The following TNIK variants were observed in gnomAD, a reference collection of about 807,000 sequenced individuals.
The protein encoded by TNIK is TRAF2 and NCK-interacting protein kinase.
In TNIK, 49 loss-of-function variants were observed where a neutral mutation model predicts 191.3. The ratio of observed to expected loss-of-function variants is 0.26; its 90% confidence interval spans 0.20 to 0.32. The LOEUF (loss-of-function observed/expected upper bound fraction) is 0.32. Ranked by LOEUF, TNIK falls within the 10% of genes least tolerant of loss-of-function variation. TNIK has a pLI of 1.00. For synonymous variants in TNIK, 594 were observed against 600.9 expected, an observed-to-expected ratio of 0.99 and a Z score of 0.17; for missense variants, 1,155 against 1,702.3, an observed-to-expected ratio of 0.68 and a Z score of 5.66.
chr3:171,266,023 C>T (rs1231244685), intron 2 of TNIK, among the ~76,000 whole-genome samples: 3 of 151,814 alleles, frequency 2.0e-5, no homozygotes, highest in African/African-American at 7.2e-5. Context: ...CAAATGCAAT[C>T]TAGAATCAAA....
At chr3:171,200,037 G>C (rs1202727575) in intron 4 of TNIK, among the ~76,000 whole-genome samples, 1 of 152,208 alleles carries the variant, frequency 6.6e-6, no homozygotes, top group African/African-American at 2.4e-5. Flanking sequence ...AAGCACCAGA[G>C]ACACATGTTT....
intron 2 of TNIK, among the ~76,000 whole-genome samples, chr3:171,288,796 A>G (rs1424288940): frequency 7.5e-6 from 1 of 133,612 alleles, no homozygotes. Context: ...TGACAGAGCA[A>G]GACTCCATCT....
At chr3:171,287,138 G>T (rs1217848557) in intron 2 of TNIK, among the ~76,000 whole-genome samples, 1 of 152,010 alleles carries the variant, frequency 6.6e-6, no homozygotes, top group Non-Finnish European at 1.5e-5. Flanking sequence ...GATTATTCTG[G>T]GTATTATATG....
intron 2 of TNIK, among the ~76,000 whole-genome samples, chr3:171,234,313 CT>C (rs1025718795): frequency 2.0e-5 from 3 of 152,176 alleles, no homozygotes; most frequent in African/African-American, 7.2e-5. Flanking sequence ...TAAATGGAGC[CT>C]TTGTGTTTCC....
chr3:171,183,522 A>G (rs1043573912), intron 7 of TNIK, among the ~76,000 whole-genome samples: 1 of 152,202 alleles, frequency 6.6e-6, no homozygotes, highest in Admixed American at 6.5e-5. Flanking sequence ...ATCTTAATTG[A>G]GTGGTAAAAG....
At chr3:171,271,247 C>T (rs1577313024) in intron 2 of TNIK, among the ~76,000 whole-genome samples, 1 of 152,222 alleles carries the variant, frequency 6.6e-6, no homozygotes, top group South Asian at 2.1e-4. Context: ...CATTTACTTG[C>T]ACTTCTGCAT....
At chr3:171,282,575 C>T (rs1750590727) in intron 2 of TNIK, among the ~76,000 whole-genome samples, 1 of 152,070 alleles carries the variant, frequency 6.6e-6, no homozygotes, top group Non-Finnish European at 1.5e-5. Flanking sequence ...AACTCCTGGC[C>T]TTAGGTGATC....
chr3:171,365,252 A>G (rs1715572255), intron 2 of TNIK, among the ~76,000 whole-genome samples: 1 of 127,648 alleles, frequency 7.8e-6, no homozygotes, highest in Non-Finnish European at 1.6e-5. Flanking sequence ...GTGCGATCTC[A>G]GCTCACCAGA....
intron 2 of TNIK, among the ~76,000 whole-genome samples, chr3:171,282,341 GTTT>G (rs869305605): frequency 3.8e-5 from 3 of 79,940 alleles, no homozygotes; most frequent in Admixed American, 1.4e-4. Flanking sequence ...ATGGTTTTTT[GTTT>G]TTTTTTTTTT....
At chr3:171,118,793 A>T (rs997934805) in intron 18 of TNIK, among the ~76,000 whole-genome samples, 4 of 152,164 alleles carry the variant, frequency 2.6e-5, no homozygotes, top group Non-Finnish European at 5.9e-5. Flanking sequence ...TTAATTCAAG[A>T]TGGATTAAAG....
intron 2 of TNIK, among the ~76,000 whole-genome samples, chr3:171,283,442 G>A (rs1452350973): frequency 6.6e-6 from 1 of 152,134 alleles, no homozygotes; most frequent in Non-Finnish European, 1.5e-5. Flanking sequence ...TTCACTTAGG[G>A]GAATTTCAAA....
intron 7 of TNIK, among the ~76,000 whole-genome samples, chr3:171,187,081 C>T (rs963139260): frequency 6.6e-6 from 1 of 152,184 alleles, no homozygotes; most frequent in Admixed American, 6.6e-5. Flanking sequence ...GAGCTGCAAA[C>T]GCTGTTTCCC....
chr3:171,171,027 G>A lies in TNIK; in HGVS notation c.774-3757C>T, dbSNP rs1735213510. The stretch of plus-strand genomic sequence containing the variant: ...TGATTGCACCACTGTACACTAGCCT[G>A]GGTGACAGAATGAGACTCTGTCTCT... On this transcript the variant is annotated intron_variant, in intron 9 of 32. Transcript: ENST00000436636. Among the ~76,000 whole-genome samples, 3 of 152,050 alleles carry A rather than the reference G, an allele frequency of 2.0e-5. No individual in the cohort carries two copies. The South Asian group carries it at 6.2e-4, about 32-fold the overall frequency.
At chr3:171,233,108 C>A (rs150914449) in intron 2 of TNIK, among the ~76,000 whole-genome samples, 1,606 of 152,292 alleles carry the variant, frequency 0.011, 22 homozygotes, top group African/African-American at 0.037. Flanking sequence ...ACATTCCCCC[C>A]ACTGTCTTCA....
At chr3:171,344,937 A>G (rs1267640617) in intron 2 of TNIK, among the ~76,000 whole-genome samples, 1 of 152,110 alleles carries the variant, frequency 6.6e-6, no homozygotes, top group African/African-American at 2.4e-5. Context: ...TCATTTGTAT[A>G]TATATATCAT....
chr3:171,310,778 T>C (rs1476916288), intron 2 of TNIK, among the ~76,000 whole-genome samples: 1 of 152,190 alleles, frequency 6.6e-6, no homozygotes, highest in Non-Finnish European at 1.5e-5. Flanking sequence ...ATACAAAGTC[T>C]ACTAGTCCCT....
intron 1 of TNIK, among the ~76,000 whole-genome samples, chr3:171,422,609 A>G (rs1723971291): frequency 6.6e-6 from 1 of 152,228 alleles, no homozygotes. Context: ...GAAATCATGC[A>G]TTCAGCAAAT....
At chr3:171,381,890 A>G (rs1375384858) in intron 1 of TNIK, among the ~76,000 whole-genome samples, 1 of 152,208 alleles carries the variant, frequency 6.6e-6, no homozygotes, top group Non-Finnish European at 1.5e-5. Context: ...GAATTTAAGA[A>G]TGGAAGCCTT....
Position 171,159,030 on chromosome 3 carries a change from C to T in TNIK, c.1017-1366G>A, listed in dbSNP as rs757282256. ...GAGGTCAGAGAGATAGGTGCGGGGCCGCGACAGCCATGCAGGCACGGGAAG... is the reference window on the plus strand; with the variant it reads ...GAGGTCAGAGAGATAGGTGCGGGGCTGCGACAGCCATGCAGGCACGGGAAG... On this transcript the variant is annotated intron_variant, in intron 11 of 32. Coordinates refer to ENST00000436636, the MANE Select transcript of TNIK (RefSeq NM_015028.4). This position sits in a 1 kb window ranked among gnomAD's most constrained non-coding sequence, Gnocchi z 4.1. Among the ~76,000 whole-genome samples, 38 of 152,106 alleles carry T rather than the reference C, an allele frequency of 2.5e-4. No individual in the cohort carries two copies. The highest frequency in any genetic ancestry group is 1.8e-4 in the Non-Finnish European group (12 of 68,018).
Sources: gnomAD v4.1 joint callset for allele counts (sites outside exome capture counted in the v4.1 genomes callset) on GRCh38, gnomAD v4.1.1 for gene constraint, Gnocchi (gnomAD v3.1) non-coding constraint, MANE v1.5 for transcripts, NCBI Gene and HGNC (gene_info 2026-07-23, HGNC 2026-07-21) for gene names.